CDK14: variants seen among roughly 807,000 people sequenced by gnomAD.
CDK14 encodes the protein cyclin dependent kinase 14.
A neutral mutation model predicts 60.7 loss-of-function variants in CDK14; 34 were observed. That is an observed-to-expected ratio of 0.56 (90% CI 0.43 to 0.75). The LOEUF (loss-of-function observed/expected upper bound fraction) is 0.75. CDK14 is among the 30% of genes least tolerant of loss of function. CDK14 has a pLI of 0.00. For missense variants in CDK14, 482 were observed against 564.1 expected (o/e 0.85, Z 1.47); for synonymous variants, 197 against 203.7 (o/e 0.97, Z 0.28).
At chr7:91,003,424 T>C (rs1795894658) in intron 10 of CDK14, among the ~76,000 whole-genome samples, 1 of 152,158 alleles carries the variant, frequency 6.6e-6, no homozygotes, top group African/African-American at 2.4e-5. Context: ...AGCTAGCGTA[T>C]TGGTTTGCCT....
chr7:91,113,993 C>A (rs1053434313), intron 13 of CDK14, among the ~76,000 whole-genome samples: 1 of 152,168 alleles, frequency 6.6e-6, no homozygotes, highest in African/African-American at 2.4e-5. Flanking sequence ...CTGACTATTA[C>A]AACAGCTATC....
At chr7:90,682,233 C>A (rs1240996721) in intron 2 of CDK14, among the ~76,000 whole-genome samples, 1 of 151,994 alleles carries the variant, frequency 6.6e-6, no homozygotes, top group Non-Finnish European at 1.5e-5. Context: ...CTAGAAAAAT[C>A]TTTAAGGGAA....
intron 6 of CDK14, among the ~76,000 whole-genome samples, chr7:90,880,050 T>C (rs555243851): frequency 6.6e-6 from 1 of 152,370 alleles, no homozygotes; most frequent in South Asian, 2.1e-4. Flanking sequence ...GCCTCTCAGC[T>C]GGAATCTGCT....
intron 10 of CDK14, among the ~76,000 whole-genome samples, chr7:91,022,070 G>C (rs1796445672): frequency 6.6e-6 from 1 of 152,184 alleles, no homozygotes; most frequent in Non-Finnish European, 1.5e-5. Flanking sequence ...CAGTCTTGCT[G>C]TTATGGCTAC....
At chr7:91,066,670 G>A (rs1005547552) in intron 11 of CDK14, among the ~76,000 whole-genome samples, 16 of 152,314 alleles carry the variant, frequency 1.1e-4, no homozygotes, top group Admixed American at 5.2e-4. Context: ...TTCAGGTGTA[G>A]CTTTTTTAAG....
intron 14 of CDK14, among the ~76,000 whole-genome samples, chr7:91,180,588 T>C (rs940556635): frequency 6.6e-6 from 1 of 152,194 alleles, no homozygotes; most frequent in African/African-American, 2.4e-5. Flanking sequence ...TTGTGACTTC[T>C]ACAATAAAGA....
intron 14 of CDK14, among the ~76,000 whole-genome samples, chr7:91,151,028 A>G (rs1800814086): frequency 6.6e-6 from 1 of 152,182 alleles, no homozygotes; most frequent in South Asian, 2.1e-4. Flanking sequence ...AGATGTCATT[A>G]TTAATATTTT....
intron 2 of CDK14, among the ~76,000 whole-genome samples, chr7:90,669,853 G>A (rs1175111797): frequency 6.6e-6 from 1 of 152,180 alleles, no homozygotes; most frequent in East Asian, 1.9e-4. Context: ...ATGAATAAAT[G>A]ACAAATGCAA....
intron 5 of CDK14, among the ~76,000 whole-genome samples, chr7:90,796,536 T>TATGCTATCCG (rs760509357): frequency 4.3e-4 from 66 of 152,202 alleles, no homozygotes; most frequent in Non-Finnish European, 7.9e-4. Context: ...TGTTATCCGA[T>TATGCTATCCG]ATAATCTTCA....
intron 6 of CDK14, among the ~76,000 whole-genome samples, chr7:90,894,348 A>G (rs981888419): frequency 6.6e-6 from 1 of 152,184 alleles, no homozygotes; most frequent in Non-Finnish European, 1.5e-5. Flanking sequence ...TACAGAGGTT[A>G]TGTCACCTGC....
At chr7:91,014,479 C>A (rs1796247311) in intron 10 of CDK14, among the ~76,000 whole-genome samples, 1 of 152,130 alleles carries the variant, frequency 6.6e-6, no homozygotes, top group South Asian at 2.1e-4. Context: ...TGTTCTTTTT[C>A]CAAGAGTTTT....
chr7:91,027,786 C>T (rs1249837096), intron 10 of CDK14, among the ~76,000 whole-genome samples: 1 of 7,488 alleles, frequency 1.3e-4, no homozygotes, highest in African/African-American at 7.3e-4. Flanking sequence ...CCTCCCCTCC[C>T]CTCCCCTCCC....
intron 13 of CDK14, among the ~76,000 whole-genome samples, chr7:91,114,940 T>G (rs1399123230): frequency 6.6e-6 from 1 of 152,160 alleles, no homozygotes; most frequent in South Asian, 2.1e-4. Context: ...ATTATCTAGG[T>G]TAGTATTCTG....
At chr7:90,718,594 A>G (rs1053721859) in intron 2 of CDK14, among the ~76,000 whole-genome samples, 2 of 152,124 alleles carry the variant, frequency 1.3e-5, no homozygotes, top group Admixed American at 6.6e-5. Context: ...TCTGAAGGTG[A>G]CTTTAGGCAA....
At chr7:91,023,823 A>G (rs1212864771) in intron 10 of CDK14, among the ~76,000 whole-genome samples, 2 of 152,098 alleles carry the variant, frequency 1.3e-5, no homozygotes, top group African/African-American at 2.4e-5. Flanking sequence ...TGAAGTGCAG[A>G]GTGCAATGGC....
intron 5 of CDK14, among the ~76,000 whole-genome samples, chr7:90,860,820 G>A (rs1228676421): frequency 6.6e-6 from 1 of 152,174 alleles, no homozygotes; most frequent in Non-Finnish European, 1.5e-5. Context: ...ACCACGCCTG[G>A]CCGCGTCTCA....
chr7:91,044,116 T>C (rs1654721405), intron 10 of CDK14, among the ~76,000 whole-genome samples: 1 of 152,230 alleles, frequency 6.6e-6, no homozygotes, highest in Non-Finnish European at 1.5e-5. Context: ...TCAGGAGATC[T>C]TGAGAACATG....
intron 2 of CDK14, among the ~76,000 whole-genome samples, chr7:90,722,150 C>G (rs924584563): frequency 7.3e-5 from 11 of 151,470 alleles, no homozygotes; most frequent in African/African-American, 2.4e-4. Flanking sequence ...ACCCCTCTTC[C>G]CCCTTTTCCA....
intron 10 of CDK14, among the ~76,000 whole-genome samples, chr7:91,024,923 T>C (rs1391098168): frequency 1.3e-4 from 20 of 152,192 alleles, no homozygotes. Context: ...ACCCCACTAA[T>C]AGTTTTCTGC....
Sources: gnomAD v4.1 joint callset for allele counts (sites outside exome capture counted in the v4.1 genomes callset) on GRCh38, gnomAD v4.1.1 for gene constraint, MANE v1.5 for transcripts, NCBI Gene and HGNC (gene_info 2026-07-23, HGNC 2026-07-21) for gene names.